ELMOD1: variants seen among roughly 807,000 people sequenced by gnomAD.
ELMOD1 encodes ELMO domain containing 1, also known as ELMO domain-containing protein 1.
Under a neutral mutation model 46.7 loss-of-function variants are expected in ELMOD1, and 21 were observed. The observed-to-expected ratio is 0.45, with a 90% CI of 0.32 to 0.65. The LOEUF is 0.65. Ranked by LOEUF, ELMOD1 falls within the 30% of genes least tolerant of loss-of-function variation. The pLI is 0.04. For missense variants in ELMOD1, 348 were observed against 407.8 expected (o/e 0.85, Z 1.26); for synonymous variants, 122 against 138.2 (o/e 0.88, Z 0.82).
intron 1 of ELMOD1, among the ~76,000 whole-genome samples, chr11:107,614,646 T>G (rs1865831313): frequency 6.6e-6 from 1 of 152,182 alleles, no homozygotes; most frequent in East Asian, 1.9e-4. Context: ...CCAGAGTGTA[T>G]TTTTTAAACT....
At chr11:107,647,261 C>G (rs1866446276) in intron 6 of ELMOD1, among the ~76,000 whole-genome samples, 1 of 152,054 alleles carries the variant, frequency 6.6e-6, no homozygotes, top group Non-Finnish European at 1.5e-5. Context: ...TCAGTTCATA[C>G]TTTGAGAAAT....
intron 6 of ELMOD1, among the ~76,000 whole-genome samples, chr11:107,637,010 C>T (rs577747976): frequency 2.6e-5 from 4 of 152,326 alleles, no homozygotes; most frequent in Admixed American, 2.0e-4. Context: ...GAGTGACATC[C>T]AGGTGCCTGC....
intron 1 of ELMOD1, among the ~76,000 whole-genome samples, chr11:107,599,609 G>A (rs949821990): frequency 2.0e-5 from 3 of 151,816 alleles, no homozygotes; most frequent in African/African-American, 4.8e-5. Flanking sequence ...TGGTATGGTG[G>A]CATGTGCCTG....
intron 11 of ELMOD1, among the ~76,000 whole-genome samples, chr11:107,657,437 A>G (rs1866654166): frequency 6.6e-6 from 1 of 152,152 alleles, no homozygotes; most frequent in Non-Finnish European, 1.5e-5. Flanking sequence ...TGAGGTGAGA[A>G]GATCGCTTGA....
intron 5 of ELMOD1, among the ~76,000 whole-genome samples, chr11:107,634,752 A>T (rs1866199142): frequency 6.6e-6 from 1 of 152,086 alleles, no homozygotes; most frequent in African/African-American, 2.4e-5. Context: ...AAACATAAAA[A>T]ATAAAAATAA....
intron 11 of ELMOD1, among the ~76,000 whole-genome samples, chr11:107,660,145 T>C (rs1453047484): frequency 6.6e-6 from 1 of 152,130 alleles, no homozygotes; most frequent in Non-Finnish European, 1.5e-5. Flanking sequence ...ACGTCTCCTG[T>C]GTAATATTCT....
At chr11:107,592,081 T>C (rs1591091889) in intron 1 of ELMOD1, 1 of 415,140 alleles carries the variant, frequency 2.4e-6, no homozygotes, top group Admixed American at 3.0e-5. Flanking sequence ...AGTGTGGTGG[T>C]GGGGTGAGCT....
intron 1 of ELMOD1, among the ~76,000 whole-genome samples, chr11:107,603,947 T>C (rs984238574): frequency 4.0e-5 from 6 of 150,808 alleles, no homozygotes; most frequent in African/African-American, 9.8e-5. Context: ...GATTGTGAGA[T>C]AGCTGGAAAA....
intron 5 of ELMOD1, 30 bp from the exon 6 acceptor site, chr11:107,635,606 G>C (rs759848005): frequency 3.7e-6 from 6 of 1,601,574 alleles, no homozygotes; most frequent in Non-Finnish European, 5.1e-6. Flanking sequence ...GTTCTTCCTT[G>C]TGTGTCTCTT....
intron 6 of ELMOD1, among the ~76,000 whole-genome samples, chr11:107,636,124 C>T (rs937863639): frequency 6.6e-5 from 10 of 152,184 alleles, no homozygotes; most frequent in Admixed American, 2.0e-4. Flanking sequence ...TTCCCATTTA[C>T]GACTTTTAAT....
chr11:107,655,531 T>G (rs1866612418), intron 10 of ELMOD1, among the ~76,000 whole-genome samples: 1 of 148,658 alleles, frequency 6.7e-6, no homozygotes, highest in Admixed American at 6.7e-5. Context: ...CTCTGATAAT[T>G]TAATAGTAAG....
chr11:107,662,660 C>T (rs1190227560), intron 11 of ELMOD1, among the ~76,000 whole-genome samples: 1 of 151,114 alleles, frequency 6.6e-6, no homozygotes, highest in East Asian at 2.0e-4. Context: ...CGTGGTGGCT[C>T]ACACCTGTAA....
chr11:107,651,866 G>A (rs1866532568), intron 9 of ELMOD1, among the ~76,000 whole-genome samples: 2 of 152,134 alleles, frequency 1.3e-5, no homozygotes, highest in Admixed American at 1.3e-4. Flanking sequence ...TTAACCACTG[G>A]AGGGGGACTG....
chr11:107,615,091 C>A (rs1458011284), intron 1 of ELMOD1, among the ~76,000 whole-genome samples: 1 of 152,126 alleles, frequency 6.6e-6, no homozygotes, highest in East Asian at 1.9e-4. Flanking sequence ...CCTATAGTAT[C>A]CCTAGTGCCT....
chr11:107,661,384 A>T (rs1866737628), intron 11 of ELMOD1, among the ~76,000 whole-genome samples: 1 of 152,230 alleles, frequency 6.6e-6, no homozygotes, highest in Non-Finnish European at 1.5e-5. Context: ...AAAGGTGAAC[A>T]TTTATGTATA....
chr11:107,603,077 G>A (rs1183290116), intron 1 of ELMOD1, among the ~76,000 whole-genome samples: 2 of 152,192 alleles, frequency 1.3e-5, no homozygotes, highest in Non-Finnish European at 2.9e-5. Flanking sequence ...CAACCTCCTT[G>A]TATTTAAAAT....
intron 1 of ELMOD1, among the ~76,000 whole-genome samples, chr11:107,605,752 G>A (rs1296341859): frequency 6.6e-6 from 1 of 152,208 alleles, no homozygotes; most frequent in African/African-American, 2.4e-5. Flanking sequence ...ATTTTAATGA[G>A]TGTCAGCAGT....
In ELMOD1 at chr11:107,645,205, A is replaced by G. The variant is rs974258227; in HGVS notation, c.421-2263A>G. Among the ~76,000 whole-genome samples, 91 of 150,268 alleles carry G rather than the reference A, an allele frequency of 6.1e-4. 1 individual carries two copies. Among genetic ancestry groups the G allele is most frequent in the Non-Finnish European group, 2.2e-4 (15 of 67,716 alleles). On this transcript the variant is annotated intron_variant, in intron 6 of 11. Coordinates refer to ENST00000265840, the MANE Select transcript of ELMOD1 (RefSeq NM_018712.4). ...ACCCGCCTCTACCTCCCAAAGTGCT[A>G]GGATCACAGGCGTGAGCCACCGTGC...
At chr11:107,618,581 C>G (rs1288257399) in intron 2 of ELMOD1, among the ~76,000 whole-genome samples, 1 of 152,154 alleles carries the variant, frequency 6.6e-6, no homozygotes, top group Non-Finnish European at 1.5e-5. Context: ...AATAAGTATC[C>G]TTTTAAATAT....
Sources: allele counts gnomAD v4.1 joint callset (sites outside exome capture counted in the v4.1 genomes callset), GRCh38; gene constraint gnomAD v4.1.1; transcripts MANE v1.5; gene names NCBI Gene and HGNC (gene_info 2026-07-23, HGNC 2026-07-21).